Variants in JAZF1 observed in about 807,000 individuals in gnomAD.
JAZF1 encodes the protein juxtaposed with another zinc finger protein 1.
JAZF1 carries 8 observed loss-of-function variants against 26.4 expected under a neutral mutation model. The observed-to-expected ratio is 0.30, with a 90% CI of 0.18 to 0.55. JAZF1 has a LOEUF of 0.55. JAZF1 is among the 20% of genes least tolerant of loss of function. The pLI is 0.94. For missense variants in JAZF1, 199 were observed against 322.0 expected, an observed-to-expected ratio of 0.62 and a Z score of 2.92; for synonymous variants, 126 against 122.3, an observed-to-expected ratio of 1.03 and a Z score of -0.20.
intron 1 of JAZF1, among the ~76,000 whole-genome samples, chr7:28,018,049 AC>A (rs1337804434): frequency 6.6e-6 from 1 of 152,096 alleles, no homozygotes; most frequent in Non-Finnish European, 1.5e-5. Context: ...ATAAGCAATT[AC>A]CTCTATGAAG....
intron 2 of JAZF1, among the ~76,000 whole-genome samples, chr7:27,921,388 T>C (rs560042333): frequency 2.6e-5 from 4 of 152,096 alleles, no homozygotes; most frequent in South Asian, 2.1e-4. Flanking sequence ...TATGGTATTA[T>C]AGAGCCCTCT....
intron 2 of JAZF1, among the ~76,000 whole-genome samples, chr7:27,915,251 CTA>C (rs1278332335): frequency 2.6e-5 from 4 of 152,238 alleles, no homozygotes; most frequent in East Asian, 1.9e-4. Context: ...CTTTATAATG[CTA>C]TGTTTCAAAA....
At chr7:28,144,003 C>T (rs769309808) in intron 1 of JAZF1, among the ~76,000 whole-genome samples, 2 of 152,100 alleles carry the variant, frequency 1.3e-5, no homozygotes, top group Non-Finnish European at 2.9e-5. Context: ...AATAAATGAA[C>T]AAATAAGCCC....
chr7:27,900,825 G>T (rs1286710898), intron 2 of JAZF1, among the ~76,000 whole-genome samples: 1 of 152,068 alleles, frequency 6.6e-6, no homozygotes, highest in African/African-American at 2.4e-5. Flanking sequence ...GTTAGGAAAA[G>T]AAATGAAATA....
chr7:28,075,662 T>G (rs189912605), intron 1 of JAZF1, among the ~76,000 whole-genome samples: 39 of 152,348 alleles, frequency 2.6e-4, no homozygotes, highest in African/African-American at 7.9e-4. Flanking sequence ...AGTATTATTC[T>G]TTTTAATGGC....
chr7:28,168,380 C>CAAAAAAAAAAAAAAAAAAAAAAAAAA (rs11301939), intron 1 of JAZF1, among the ~76,000 whole-genome samples: 1 of 71,142 alleles, frequency 1.4e-5, no homozygotes, highest in Non-Finnish European at 2.6e-5. Context: ...GACTCCGTCT[C>CAAAAAAAAAAAAAAAAAAAAAAAAAA]AAAAAAAAAA....
intron 1 of JAZF1, among the ~76,000 whole-genome samples, chr7:28,176,996 C>A (rs1041478660): frequency 6.6e-6 from 1 of 152,060 alleles, no homozygotes; most frequent in South Asian, 2.1e-4. Flanking sequence ...AAATAAGAAG[C>A]AAGCAAACCT....
At chr7:28,144,015 T>C (rs1385473847) in intron 1 of JAZF1, among the ~76,000 whole-genome samples, 1 of 152,120 alleles carries the variant, frequency 6.6e-6, no homozygotes, top group Non-Finnish European at 1.5e-5. Flanking sequence ...AATAAGCCCA[T>C]GAAAATGAAA....
intron 1 of JAZF1, among the ~76,000 whole-genome samples, chr7:28,100,027 A>C (rs1784448638): frequency 6.6e-6 from 1 of 152,152 alleles, no homozygotes; most frequent in African/African-American, 2.4e-5. Context: ...CTTAAAGTCA[A>C]GTTTTTGAAA....
At chr7:27,835,783 C>T (rs904980854) in intron 4 of JAZF1, among the ~76,000 whole-genome samples, 4 of 152,100 alleles carry the variant, frequency 2.6e-5, no homozygotes, top group Non-Finnish European at 5.9e-5. Flanking sequence ...AAGTTTATTT[C>T]ATCAGTCCTG....
At chr7:27,854,339 C>T (rs1783205138) in intron 3 of JAZF1, among the ~76,000 whole-genome samples, 1 of 152,158 alleles carries the variant, frequency 6.6e-6, no homozygotes, top group African/African-American at 2.4e-5. Context: ...TAGTCTGTGT[C>T]TTTTAATTGG....
intron 3 of JAZF1, among the ~76,000 whole-genome samples, chr7:27,848,253 G>A (rs1783064600): frequency 6.6e-6 from 1 of 152,062 alleles, no homozygotes; most frequent in African/African-American, 2.4e-5. Context: ...TGTTTTAGTT[G>A]TCAGTGTACA....
At chr7:28,162,674 C>T (rs1035468906) in intron 1 of JAZF1, among the ~76,000 whole-genome samples, 1 of 152,164 alleles carries the variant, frequency 6.6e-6, no homozygotes, top group African/African-American at 2.4e-5. Context: ...CTTGCAGACA[C>T]ACCATGAAAA....
intron 1 of JAZF1, among the ~76,000 whole-genome samples, chr7:28,083,931 T>C (rs2127917645): frequency 6.6e-6 from 1 of 152,244 alleles, no homozygotes; most frequent in East Asian, 1.9e-4. Flanking sequence ...TTGGTATTGC[T>C]TTTACATGTT....
intron 1 of JAZF1, among the ~76,000 whole-genome samples, chr7:28,167,664 AAC>A (rs1227548470): frequency 6.6e-6 from 1 of 152,192 alleles, no homozygotes; most frequent in African/African-American, 2.4e-5. Context: ...CCACAATAAA[AAC>A]ACTCTGGAGA....
chr7:28,000,622 CTTTTTTT>C (rs1190147547), intron 1 of JAZF1, among the ~76,000 whole-genome samples: 1 of 62,072 alleles, frequency 1.6e-5, no homozygotes, highest in African/African-American at 4.1e-5. Context: ...TTCTTTCTTT[CTTTTTTT>C]TTTTTTTTTT....
At chr7:28,086,148 T>C (rs767178312) in intron 1 of JAZF1, among the ~76,000 whole-genome samples, 4 of 152,348 alleles carry the variant, frequency 2.6e-5, no homozygotes, top group African/African-American at 4.8e-5. Flanking sequence ...ATGTCAGCAC[T>C]CTGTCTTTAT....
At chr7:27,852,028 G>GGGGT in intron 3 of JAZF1, among the ~76,000 whole-genome samples, 3 of 151,658 alleles carry the variant, frequency 2.0e-5, no homozygotes, top group African/African-American at 7.3e-5. Context: ...CTGATGCTTG[G>GGGGT]TCAGTATGCA....
At chr7:28,160,298 G>A (rs538896024) in intron 1 of JAZF1, among the ~76,000 whole-genome samples, 3 of 152,222 alleles carry the variant, frequency 2.0e-5, no homozygotes, top group East Asian at 1.9e-4. Flanking sequence ...GCAGAACTCC[G>A]CTGTCACTCT....
Sources: allele counts gnomAD v4.1 joint callset (sites outside exome capture counted in the v4.1 genomes callset), GRCh38; gene constraint gnomAD v4.1.1; transcripts MANE v1.5; gene names NCBI Gene and HGNC (gene_info 2026-07-23, HGNC 2026-07-21).